The following CCDC171 variants were observed in gnomAD, a reference collection of about 807,000 sequenced individuals.
CCDC171 encodes the protein coiled-coil domain containing 171.
CCDC171 carries 177 observed loss-of-function variants against 168.2 expected under a neutral mutation model. That is an observed-to-expected ratio of 1.05 (90% CI 0.93 to 1.19). The LOEUF (loss-of-function observed/expected upper bound fraction) is 1.19. Among genes scored for constraint, CCDC171 ranks in the 50% most tolerant of loss-of-function variants. The pLI is 0.00. For synonymous variants in CCDC171, 687 were observed against 540.8 expected (o/e 1.27, Z -3.75); for missense variants, 1,991 against 1,539.0 (o/e 1.29, Z -4.91).
chr9:15,784,510 A>T lies in CCDC171; in HGVS notation c.3083A>T (p.Lys1028Ile). 6.2e-7 allele frequency: 1 copy of T among 1,606,914 alleles called. No individual in the cohort carries two copies. The change falls in exon 21 of 26, where the codon AAA becomes ATA. Residue 1028 changes from lysine to isoleucine, a missense_variant and splice_region_variant. Transcript: ENST00000380701. ...QMQLNEFKQS[K>I]LITHEKFESA... Reference sequence around the variant, plus strand: ...TCTCCCCTCTCCTCCTTTTTACAGAAATTGATCACCCATGAGAAGTTTGAA... The same window carrying T: ...TCTCCCCTCTCCTCCTTTTTACAGATATTGATCACCCATGAGAAGTTTGAA...
intron 3 of CCDC171, among the ~76,000 whole-genome samples, chr9:16,007,215 C>A (rs1832729937): frequency 6.6e-6 from 1 of 152,186 alleles, no homozygotes; most frequent in Non-Finnish European, 1.5e-5. Context: ...TGTTTTTTGG[C>A]TGCATAAATG....
chr9:15,982,603 G>A (rs1157991300), intron 3 of CCDC171, among the ~76,000 whole-genome samples: 2 of 152,068 alleles, frequency 1.3e-5, no homozygotes, highest in Admixed American at 1.3e-4. Flanking sequence ...TTCTTGTAAT[G>A]CACCCTCCTC....
At chr9:15,955,263 T>C (rs1829672080) in intron 25 of CCDC171, among the ~76,000 whole-genome samples, 1 of 152,108 alleles carries the variant, frequency 6.6e-6, no homozygotes, top group Non-Finnish European at 1.5e-5. Flanking sequence ...GTTCTTAATG[T>C]CTGGTCCCAA....
At chr9:15,992,805 C>G (rs1306987735) in intron 3 of CCDC171, among the ~76,000 whole-genome samples, 1 of 152,112 alleles carries the variant, frequency 6.6e-6, no homozygotes, top group Non-Finnish European at 1.5e-5. Context: ...CAATAACGGA[C>G]AAACAGAGAG....
chr9:15,928,826 A>G (rs1826176165), intron 25 of CCDC171, among the ~76,000 whole-genome samples: 1 of 151,634 alleles, frequency 6.6e-6, no homozygotes, highest in Non-Finnish European at 1.5e-5. Flanking sequence ...AAACTTTTAA[A>G]GGTTTCTCAT....
intron 25 of CCDC171, among the ~76,000 whole-genome samples, chr9:15,953,311 G>A (rs1193559466): frequency 6.6e-6 from 1 of 152,052 alleles, no homozygotes; most frequent in East Asian, 1.9e-4. Context: ...TATGCTCCGG[G>A]CCTTTCATAT....
chr9:15,723,799 C>G, intron 13 of CCDC171, 53 bp downstream of exon 13: 2 of 866,130 alleles, frequency 2.3e-6, no homozygotes, highest in South Asian at 3.4e-5. Context: ...ATATAGTTAT[C>G]TAGGGAATAT....
intron 25 of CCDC171, among the ~76,000 whole-genome samples, chr9:15,952,478 A>G (rs915894296): frequency 6.6e-6 from 1 of 152,026 alleles, no homozygotes; most frequent in Admixed American, 6.6e-5. Context: ...GCTCACTGCA[A>G]CCTCGGTCTG....
At chr9:15,625,559 T>G (rs2132131933) in intron 7 of CCDC171, among the ~76,000 whole-genome samples, 1 of 152,334 alleles carries the variant, frequency 6.6e-6, no homozygotes, top group Admixed American at 6.5e-5. Flanking sequence ...CCCAGCACCA[T>G]TTATTAAAGA....
chr9:15,941,009 A>G (rs1827654795), intron 25 of CCDC171, among the ~76,000 whole-genome samples: 1 of 151,994 alleles, frequency 6.6e-6, no homozygotes, highest in African/African-American at 2.4e-5. Flanking sequence ...GCCTTCTGGT[A>G]CTAAACAAGT....
At chr9:16,097,392 A>G in the CCDC171 span, among the ~76,000 whole-genome samples, 5 of 152,350 alleles carry the variant, frequency 3.3e-5, no homozygotes, top group Admixed American at 2.0e-4. Flanking sequence ...AGGGAAAGCA[A>G]TATTTTTTGA....
chr9:15,672,198 T>G (rs539160374), intron 9 of CCDC171, among the ~76,000 whole-genome samples: 2 of 152,162 alleles, frequency 1.3e-5, no homozygotes, highest in Non-Finnish European at 2.9e-5. Flanking sequence ...GATGGGGTTG[T>G]TTGTTTTTTT....
intron 4 of CCDC171, among the ~76,000 whole-genome samples, 171 bp from the exon 5 acceptor site, chr9:15,591,195 T>G (rs1434503539): frequency 2.0e-5 from 3 of 152,114 alleles, no homozygotes; most frequent in Non-Finnish European, 2.9e-5. Flanking sequence ...TGTGAGCTTT[T>G]CAAGAATTTA....
At chr9:15,921,928 A>G (rs1274104556) in intron 25 of CCDC171, among the ~76,000 whole-genome samples, 2 of 151,616 alleles carry the variant, frequency 1.3e-5, no homozygotes, top group Non-Finnish European at 3.0e-5. Flanking sequence ...TTTAATATGA[A>G]AACAATTACT....
intron 24 of CCDC171, among the ~76,000 whole-genome samples, chr9:15,890,508 G>T (rs1348736070): frequency 1.3e-5 from 2 of 151,272 alleles, no homozygotes; most frequent in African/African-American, 4.9e-5. Flanking sequence ...GCAAAATGGG[G>T]ATTGACCTGG....
At chr9:16,021,225 T>A (rs1362372616) in intron 4 of CCDC171, among the ~76,000 whole-genome samples, 1 of 152,122 alleles carries the variant, frequency 6.6e-6, no homozygotes, top group African/African-American at 2.4e-5. Context: ...GTAGCTGGGA[T>A]TACAGGCACG....
At chr9:15,758,640 T>C (rs2056272229) in intron 18 of CCDC171, among the ~76,000 whole-genome samples, 1 of 152,162 alleles carries the variant, frequency 6.6e-6, no homozygotes, top group Non-Finnish European at 1.5e-5. Context: ...TGATATGGAT[T>C]GGCTGTGTCC....
intron 24 of CCDC171, among the ~76,000 whole-genome samples, chr9:15,905,106 A>G (rs1211950792): frequency 2.0e-5 from 3 of 152,234 alleles, no homozygotes; most frequent in African/African-American, 7.2e-5. Context: ...AACATTAGAC[A>G]GATCAACGAG....
At chr9:15,588,800 C>T (rs900980820) in intron 4 of CCDC171, among the ~76,000 whole-genome samples, 6 of 151,420 alleles carry the variant, frequency 4.0e-5, no homozygotes, top group African/African-American at 1.5e-4. Context: ...CTCCACCTCC[C>T]GGGTTCACGT....
Sources: gnomAD v4.1 joint callset for allele counts (sites outside exome capture counted in the v4.1 genomes callset) on GRCh38, gnomAD v4.1.1 for gene constraint, MANE v1.5 for transcripts, NCBI Gene and HGNC (gene_info 2026-07-23, HGNC 2026-07-21) for gene names.